PTCHD4: variants seen among roughly 807,000 people sequenced by gnomAD.
PTCHD4 encodes the protein patched domain-containing protein 4.
PTCHD4 carries 33 observed loss-of-function variants against 58.1 expected under a neutral mutation model. The observed-to-expected ratio is 0.57, with a 90% CI of 0.43 to 0.76. PTCHD4 has a LOEUF of 0.76. Ranked by LOEUF, PTCHD4 falls within the 30% of genes least tolerant of loss-of-function variation. PTCHD4 has a pLI of 0.00. For missense variants in PTCHD4, 1,058 were observed against 1,027.1 expected (o/e 1.03, Z -0.41); for synonymous variants, 478 against 409.6 (o/e 1.17, Z -2.02).
At chr6:47,932,535 G>A (rs1240245703) in intron 4 of PTCHD4, among the ~76,000 whole-genome samples, 1 of 152,176 alleles carries the variant, frequency 6.6e-6, no homozygotes, top group East Asian at 1.9e-4. Flanking sequence ...TTCCTAAAAG[G>A]TACATGGTGT....
chr6:47,893,113 C>A (rs549583744), intron 4 of PTCHD4, among the ~76,000 whole-genome samples: 1 of 152,154 alleles, frequency 6.6e-6, no homozygotes, highest in Non-Finnish European at 1.5e-5. Flanking sequence ...CGGGTTCAAG[C>A]GATTTTCCTG....
chr6:47,929,681 G>T (rs1202908840), intron 4 of PTCHD4, among the ~76,000 whole-genome samples: 1 of 152,242 alleles, frequency 6.6e-6, no homozygotes, highest in African/African-American at 2.4e-5. Flanking sequence ...ATCATTGCCT[G>T]AGAAGCAGGC....
intron 3 of PTCHD4, among the ~76,000 whole-genome samples, chr6:48,043,447 A>G (rs943533166): frequency 6.6e-6 from 1 of 151,878 alleles, no homozygotes; most frequent in Non-Finnish European, 1.5e-5. Flanking sequence ...TTCAAAATCA[A>G]GACTGTAATT....
At chr6:48,057,821 T>A (rs188738600) in intron 3 of PTCHD4, among the ~76,000 whole-genome samples, 1 of 152,352 alleles carries the variant, frequency 6.6e-6, no homozygotes, top group African/African-American at 2.4e-5. Flanking sequence ...TTGTAGTTTT[T>A]TCTTCCTGAA....
intron 4 of PTCHD4, among the ~76,000 whole-genome samples, chr6:47,951,692 A>G (rs1022109274): frequency 6.6e-6 from 1 of 152,188 alleles, no homozygotes; most frequent in Non-Finnish European, 1.5e-5. Flanking sequence ...CCCTTTTTAC[A>G]TCTCAGAAGA....
rs576885194 is a variant in PTCHD4, at chr6:48,104,601, A to G, written c.-970+6448T>C. Among the ~76,000 whole-genome samples, 3 of 152,332 alleles carry G rather than the reference A, an allele frequency of 2.0e-5. No homozygotes were observed. In the East Asian group the frequency reaches 5.8e-4, roughly 29 times the overall value. On this transcript the variant is annotated intron_variant, in intron 1 of 4. Coordinates refer to ENST00000339488, the MANE Select transcript of PTCHD4 (RefSeq NM_001384253.1). ...GATAGGATCAAATTCACACATAACAATACTAACCTTAAATGTAAATGGGCT... is the reference window on the plus strand; with the variant it reads ...GATAGGATCAAATTCACACATAACAGTACTAACCTTAAATGTAAATGGGCT...
At chr6:48,014,255 A>T (rs75443396) in intron 3 of PTCHD4, among the ~76,000 whole-genome samples, 1 of 152,128 alleles carries the variant, frequency 6.6e-6, no homozygotes, top group Non-Finnish European at 1.5e-5. Flanking sequence ...GTTCTGAGAA[A>T]TACACTTTTG....
chr6:48,042,314 G>A (rs183584481), intron 3 of PTCHD4, among the ~76,000 whole-genome samples: 3 of 152,042 alleles, frequency 2.0e-5, no homozygotes, highest in East Asian at 3.9e-4. Flanking sequence ...AACACCATAA[G>A]CAGTCAAAAG....
rs566123447 is a variant in PTCHD4, at chr6:47,871,171, C to T, written c.*7132G>A. Among the ~76,000 whole-genome samples the T allele has an allele frequency of 5.9e-5, 9 of 151,636 alleles. No homozygotes were observed. The highest frequency in any genetic ancestry group is 1.0e-4 in the Non-Finnish European group (7 of 67,662). The stretch of plus-strand genomic sequence containing the variant: ...ATGCATGGGTGAAGACTGTTTCTCC[C>T]TAGGAGTTTTCTTTTCACTGATGCT... On this transcript the variant is annotated 3_prime_UTR_variant, in exon 5 of 5. Transcript: ENST00000339488.
intron 1 of PTCHD4, among the ~76,000 whole-genome samples, chr6:48,100,010 A>G (rs1035973641): frequency 1.3e-5 from 2 of 152,210 alleles, no homozygotes; most frequent in Non-Finnish European, 2.9e-5. Flanking sequence ...AGAAAACATT[A>G]CTATTATTGA....
chr6:48,103,235 G>C (rs1361774130), intron 1 of PTCHD4, among the ~76,000 whole-genome samples: 1 of 152,116 alleles, frequency 6.6e-6, no homozygotes, highest in Non-Finnish European at 1.5e-5. Context: ...CACACGGCCG[G>C]GTACTCCTCT....
chr6:48,025,311 A>G lies in PTCHD4; in HGVS notation c.418-16197T>C, dbSNP rs549939857. Among the ~76,000 whole-genome samples the G allele has an allele frequency of 3.9e-5, 6 of 152,312 alleles. No individual in the cohort carries two copies. The East Asian group carries it at 9.6e-4, about 24-fold the overall frequency. ...CAGTGGGAAATGCAAATACAATAAAAGGTACACAGAGACGTTGCTCCCAAT... is the reference window on the plus strand; with the variant it reads ...CAGTGGGAAATGCAAATACAATAAAGGGTACACAGAGACGTTGCTCCCAAT... On this transcript the variant is annotated intron_variant, in intron 3 of 4. Coordinates refer to ENST00000339488, the MANE Select transcript of PTCHD4 (RefSeq NM_001384253.1).
At chr6:47,974,451 A>G (rs146697357) in intron 4 of PTCHD4, among the ~76,000 whole-genome samples, 12 of 152,284 alleles carry the variant, frequency 7.9e-5, no homozygotes, top group East Asian at 1.9e-4. Flanking sequence ...ACAAACCCTG[A>G]TTTCTGAAAA....
chr6:47,982,613 C>G (rs906893622), intron 4 of PTCHD4, among the ~76,000 whole-genome samples: 2 of 151,918 alleles, frequency 1.3e-5, no homozygotes, highest in African/African-American at 4.8e-5. Flanking sequence ...CTCAGCCTCC[C>G]GAGTAGCTGG....
At chr6:48,008,146 A>C (rs1163815006) in intron 4 of PTCHD4, among the ~76,000 whole-genome samples, 1 of 152,186 alleles carries the variant, frequency 6.6e-6, no homozygotes, top group Admixed American at 6.6e-5. Flanking sequence ...AATGGAGTAT[A>C]CTCTGTGCAG....
chr6:48,093,552 T>C (rs1034337958), intron 1 of PTCHD4, among the ~76,000 whole-genome samples: 1 of 152,114 alleles, frequency 6.6e-6, no homozygotes, highest in African/African-American at 2.4e-5. Context: ...TAGTATACCA[T>C]TAAACAGAAG....
chr6:48,054,878 T>C (rs930191232), intron 3 of PTCHD4, among the ~76,000 whole-genome samples: 1 of 152,176 alleles, frequency 6.6e-6, no homozygotes, highest in African/African-American at 2.4e-5. Context: ...TCTGAGTTTA[T>C]ATTAATATAA....
chr6:47,946,816 A>G (rs1766436335), intron 4 of PTCHD4, among the ~76,000 whole-genome samples: 1 of 151,716 alleles, frequency 6.6e-6, no homozygotes, highest in Non-Finnish European at 1.5e-5. Flanking sequence ...GTTTGAAATT[A>G]TGTGCACAAT....
chr6:47,966,803 T>C (rs1334453820), intron 4 of PTCHD4, among the ~76,000 whole-genome samples: 1 of 152,206 alleles, frequency 6.6e-6, no homozygotes, highest in Non-Finnish European at 1.5e-5. Flanking sequence ...GTTGCAGCAA[T>C]TCAGTCCCAT....
Sources: allele counts gnomAD v4.1 joint callset (sites outside exome capture counted in the v4.1 genomes callset), GRCh38; gene constraint gnomAD v4.1.1; transcripts MANE v1.5; gene names NCBI Gene and HGNC (gene_info 2026-07-23, HGNC 2026-07-21).